Variants in RBFOX2 observed in about 807,000 individuals in gnomAD.
The protein encoded by RBFOX2 is RNA binding protein fox-1 homolog 2.
A neutral mutation model predicts 49.1 loss-of-function variants in RBFOX2; 10 were observed. That is an observed-to-expected ratio of 0.20 (90% CI 0.13 to 0.35). RBFOX2 has a LOEUF of 0.35. RBFOX2 is among the 10% of genes least tolerant of loss of function. RBFOX2 has a pLI of 1.00. For missense variants in RBFOX2, 323 were observed against 486.9 expected, an observed-to-expected ratio of 0.66 and a Z score of 3.17; for synonymous variants, 183 against 187.4, an observed-to-expected ratio of 0.98 and a Z score of 0.19.
chr22:35,965,016 G>A (rs1277901411), upstream of RBFOX2, among the ~76,000 whole-genome samples: 1 of 152,030 alleles, frequency 6.6e-6, no homozygotes, highest in South Asian at 2.1e-4. Context: ...CACACCAGTC[G>A]ATAATCTCAA....
At chr22:35,977,759 T>TATATATATATAC (rs2057261336) in intron 1 of RBFOX2, among the ~76,000 whole-genome samples, 1 of 102,772 alleles carries the variant, frequency 9.7e-6, no homozygotes, top group Non-Finnish European at 2.1e-5. Flanking sequence ...TATATATATA[T>TATATATATATAC]ATACATGCAC....
intron 1 of RBFOX2, among the ~76,000 whole-genome samples, chr22:35,923,669 C>A (rs1464074670): frequency 6.6e-6 from 1 of 152,152 alleles, no homozygotes; most frequent in Non-Finnish European, 1.5e-5. Flanking sequence ...CAGGAAACTG[C>A]AAATCTTGAT....
At chr22:36,013,942 T>C (rs6000059) in intron 1 of RBFOX2, among the ~76,000 whole-genome samples, 20,254 of 152,042 alleles carry the variant, frequency 0.13, 2,919 homozygotes, top group African/African-American at 0.36. Flanking sequence ...CGGTAGGGAA[T>C]CTGGGCGTAA....
intron 1 of RBFOX2, among the ~76,000 whole-genome samples, chr22:35,949,519 C>T (rs532052618): frequency 2.0e-5 from 3 of 152,178 alleles, no homozygotes; most frequent in Non-Finnish European, 2.9e-5. Context: ...AAATTTCCAC[C>T]GGCAAAGCAC....
chr22:36,008,300 ACAT>A (rs1481427853), intron 1 of RBFOX2, among the ~76,000 whole-genome samples: 1 of 152,184 alleles, frequency 6.6e-6, no homozygotes, highest in Non-Finnish European at 1.5e-5. Context: ...GCAATGTTTA[ACAT>A]GTGGTAAACA....
At chr22:35,784,982 A>T (rs1277131613) in intron 2 of RBFOX2, among the ~76,000 whole-genome samples, 1 of 152,060 alleles carries the variant, frequency 6.6e-6, no homozygotes, top group Non-Finnish European at 1.5e-5. Context: ...ACATGCATTT[A>T]TTTATTTTTA....
At chr22:35,868,127 C>T (rs2043903304) in intron 1 of RBFOX2, among the ~76,000 whole-genome samples, 1 of 152,070 alleles carries the variant, frequency 6.6e-6, no homozygotes. Flanking sequence ...CAGAGAAAAA[C>T]CTGAGCCCAG....
At chr22:36,020,371 T>C (rs1199314228) in intron 1 of RBFOX2, among the ~76,000 whole-genome samples, 1 of 152,122 alleles carries the variant, frequency 6.6e-6, no homozygotes. Context: ...CCAAAAGCAA[T>C]GGCAACAAAA....
At chr22:35,878,041 C>CT (rs1556297678) in intron 1 of RBFOX2, among the ~76,000 whole-genome samples, 1,955 of 64,034 alleles carry the variant, frequency 0.031, 22 homozygotes, top group Middle Eastern at 0.078. Flanking sequence ...ACTACTACTA[C>CT]ACACACACAC....
intron 1 of RBFOX2, chr22:36,000,320 A>T (rs2058363613): frequency 6.6e-6 from 1 of 152,132 alleles, no homozygotes; most frequent in Admixed American, 6.6e-5. Flanking sequence ...TATTTCTTAT[A>T]ACAATGCTAA....
chr22:36,011,312 G>A (rs1210180105), intron 1 of RBFOX2, among the ~76,000 whole-genome samples: 8 of 152,044 alleles, frequency 5.3e-5, no homozygotes, highest in East Asian at 1.9e-4. Context: ...GGGTATTCAC[G>A]TGAAAAAACA....
intron 1 of RBFOX2, among the ~76,000 whole-genome samples, chr22:35,919,747 T>C (rs924910119): frequency 1.3e-5 from 2 of 152,180 alleles, no homozygotes; most frequent in Non-Finnish European, 2.9e-5. Flanking sequence ...TCACCTCCTT[T>C]GGGAAGGAAA....
rs2057792179 is a variant in RBFOX2, at chr22:35,987,932, G to A, written c.186+40308C>T. ...AACTTTAGCAAGTTGGAAAATGGAT[G>A]ACAAACTTCCCGGAAGAAGAATAAA... On this transcript the variant is annotated intron_variant, in intron 1 of 13. Transcript: ENST00000438146. Among the ~76,000 whole-genome samples, 3 of 152,186 alleles carry A rather than the reference G, an allele frequency of 2.0e-5. No individual in the cohort carries two copies. The South Asian group carries it at 6.2e-4, about 32-fold the overall frequency.
At chr22:35,756,257 G>A in intron 9 of RBFOX2, 113 bp from the exon 11 acceptor site, 3 of 890,320 alleles carry the variant, frequency 3.4e-6, no homozygotes, top group South Asian at 4.0e-5. Flanking sequence ...GGTGATGTAT[G>A]AATACATAAC....
chr22:35,764,053 G>GT (rs1435004525), intron 6 of RBFOX2, among the ~76,000 whole-genome samples: 2 of 152,054 alleles, frequency 1.3e-5, no homozygotes, highest in African/African-American at 2.4e-5. Flanking sequence ...ACTTGTTTTT[G>GT]TAAGAGCAGT....
At chr22:35,958,043 C>T (rs2055781748) in intron 1 of RBFOX2, among the ~76,000 whole-genome samples, 1 of 152,098 alleles carries the variant, frequency 6.6e-6, no homozygotes, top group Non-Finnish European at 1.5e-5. Context: ...TCAAAAAAGT[C>T]CCTTTAAGAC....
chr22:35,742,912 A>C (rs1378616339), exon 12 of RBFOX2: 1 of 152,874 alleles, frequency 6.5e-6, no homozygotes, highest in Non-Finnish European at 1.5e-5. Context: ...GTGTTTTTGG[A>C]GGACAGTGAG....
At chr22:35,846,679 C>G (rs1047809258) in intron 1 of RBFOX2, among the ~76,000 whole-genome samples, 11 of 152,002 alleles carry the variant, frequency 7.2e-5, no homozygotes, top group Non-Finnish European at 1.6e-4. Context: ...TGCTTGAACC[C>G]GGGAGGCAGA....
At chr22:35,762,262 A>T (rs957010476) in intron 6 of RBFOX2, among the ~76,000 whole-genome samples, 1 of 152,098 alleles carries the variant, frequency 6.6e-6, no homozygotes, top group African/African-American at 2.4e-5. Flanking sequence ...TTTTATATTT[A>T]TAGGAATATG....
Sources: allele counts gnomAD v4.1 joint callset (sites outside exome capture counted in the v4.1 genomes callset), GRCh38; gene constraint gnomAD v4.1.1; transcripts MANE v1.5; gene names NCBI Gene and HGNC (gene_info 2026-07-23, HGNC 2026-07-21).